DGKG: variants seen among roughly 807,000 people sequenced by gnomAD.
DGKG encodes the protein diacylglycerol kinase gamma, also known as DAG kinase gamma.
DGKG carries 78 observed loss-of-function variants against 105.3 expected under a neutral mutation model. The ratio of observed to expected loss-of-function variants is 0.74; its 90% CI spans 0.62 to 0.89. The LOEUF (loss-of-function observed/expected upper bound fraction) is 0.89, where lower values mean the gene tolerates loss of function less well. Ranked by LOEUF, DGKG falls within the 40% of genes least tolerant of loss-of-function variation. The pLI is 0.00. For synonymous variants in DGKG, 346 were observed against 367.1 expected (o/e 0.94, Z 0.66); for missense variants, 958 against 1,020.1 (o/e 0.94, Z 0.83).
At chr3:186,155,573 G>T (rs947124755) in intron 24 of DGKG, among the ~76,000 whole-genome samples, 2 of 152,140 alleles carry the variant, frequency 1.3e-5, no homozygotes, top group Admixed American at 1.3e-4. Flanking sequence ...TAATGTAGAC[G>T]TGACATTCTT....
chr3:186,360,439 T>C (rs749199106), intron 1 of DGKG, among the ~76,000 whole-genome samples: 8 of 152,192 alleles, frequency 5.3e-5, no homozygotes, highest in Non-Finnish European at 5.9e-5. Flanking sequence ...GACCGGGAAG[T>C]TGGCTTAGTT....
chr3:186,223,887 A>G (rs1253116214), intron 20 of DGKG, among the ~76,000 whole-genome samples: 2 of 152,104 alleles, frequency 1.3e-5, no homozygotes, highest in African/African-American at 4.8e-5. Flanking sequence ...CTCTGACTGC[A>G]ATCTCTAAGG....
chr3:186,191,869 TTTTTC>T (rs1371264994), intron 21 of DGKG, among the ~76,000 whole-genome samples: 2 of 152,208 alleles, frequency 1.3e-5, no homozygotes, highest in African/African-American at 4.8e-5. Context: ...AACTGACTCC[TTTTTC>T]TTTTCTTTTC....
At chr3:186,300,378 A>G (rs1466938317) in intron 3 of DGKG, among the ~76,000 whole-genome samples, 1 of 152,134 alleles carries the variant, frequency 6.6e-6, no homozygotes, top group Non-Finnish European at 1.5e-5. Context: ...ATCCTAGCCC[A>G]TTACCTCTGA....
chr3:186,227,640 T>C lies in DGKG; in HGVS notation c.1826+14864A>G, dbSNP rs554303032. ...GATAAGTACAGTGAAAGCTTGCTTTTGAAATTTCCTTTGGCCCAATAATAA... is the reference window on the plus strand; with the variant it reads ...GATAAGTACAGTGAAAGCTTGCTTTCGAAATTTCCTTTGGCCCAATAATAA... On this transcript the variant is annotated intron_variant, in intron 20 of 24. Coordinates refer to ENST00000265022, the MANE Select transcript of DGKG (RefSeq NM_001346.3). Among the ~76,000 whole-genome samples, 28 of 152,330 alleles carry C rather than the reference T, an allele frequency of 1.8e-4. No individual in the cohort carries two copies. The South Asian group carries it at 5.2e-3, about 28-fold the overall frequency.
chr3:186,307,778 G>C (rs910718001), intron 2 of DGKG, among the ~76,000 whole-genome samples: 1 of 151,904 alleles, frequency 6.6e-6, no homozygotes, highest in Admixed American at 6.6e-5. Flanking sequence ...TGTAGGATGA[G>C]TGGGCATTAA....
intron 20 of DGKG, among the ~76,000 whole-genome samples, chr3:186,217,778 G>A (rs1719368097): frequency 1.3e-5 from 2 of 152,148 alleles, no homozygotes; most frequent in African/African-American, 4.8e-5. Context: ...GAGCTTCTGG[G>A]GACCCTTTCC....
chr3:186,152,961 CTTTTTTTT>C (rs10579014), intron 24 of DGKG, among the ~76,000 whole-genome samples: 2 of 124,530 alleles, frequency 1.6e-5, no homozygotes, highest in Admixed American at 1.7e-4. Flanking sequence ...CGCGCCCGGC[CTTTTTTTT>C]TTTTTTTTTT....
At chr3:186,152,961 CTTTTT>C (rs10579014) in intron 24 of DGKG, among the ~76,000 whole-genome samples, 4 of 124,530 alleles carry the variant, frequency 3.2e-5, no homozygotes, top group African/African-American at 5.8e-5. Context: ...CGCGCCCGGC[CTTTTT>C]TTTTTTTTTT....
At chr3:186,343,487 T>A (rs1425595153) in intron 1 of DGKG, among the ~76,000 whole-genome samples, 2 of 152,052 alleles carry the variant, frequency 1.3e-5, no homozygotes, top group Non-Finnish European at 2.9e-5. Flanking sequence ...GAGACGGGAT[T>A]TCACCATGTT....
At chr3:186,297,976 AG>A (rs1329168871) in intron 4 of DGKG, 87 bp downstream of exon 4, 51 of 1,460,146 alleles carry the variant, frequency 3.5e-5, no homozygotes, top group Non-Finnish European at 4.7e-5. Context: ...TACTATGTTC[AG>A]GGGACCCTCT....
At chr3:186,279,344 T>A (rs1722726072) in intron 9 of DGKG, 1 of 152,574 alleles carries the variant, frequency 6.6e-6, no homozygotes, top group Non-Finnish European at 1.5e-5. Context: ...AGAACCTCAG[T>A]TTTCCATCTG....
chr3:186,160,963 A>G, intron 24 of DGKG: 2 of 985,424 alleles, frequency 2.0e-6, no homozygotes, highest in Non-Finnish European at 2.4e-6. Flanking sequence ...TTTGACATGT[A>G]TTATTGTGCA....
chr3:186,304,712 C>A (rs1289936415), intron 3 of DGKG, among the ~76,000 whole-genome samples: 1 of 152,218 alleles, frequency 6.6e-6, no homozygotes, highest in Non-Finnish European at 1.5e-5. Flanking sequence ...TGCAAAGATC[C>A]TCTCATTTAA....
At chr3:186,238,803 C>G (rs1349407859) in intron 20 of DGKG, among the ~76,000 whole-genome samples, 1 of 152,178 alleles carries the variant, frequency 6.6e-6, no homozygotes, top group Non-Finnish European at 1.5e-5. Context: ...ATTAATGAAA[C>G]TATTCCATCA....
chr3:186,327,350 TCTCCTCCTC>T (rs529028348), intron 1 of DGKG, among the ~76,000 whole-genome samples: 1 of 150,164 alleles, frequency 6.7e-6, no homozygotes, highest in African/African-American at 2.5e-5. Context: ...TCCTCCTCCT[TCTCCTCCTC>T]CTCCTCCTCC....
In DGKG at chr3:186,188,065, C is replaced by T. The variant is rs141171816; in HGVS notation, c.2095+137G>A. 1,756 of 1,018,634 alleles carry T rather than the reference C, an allele frequency of 1.7e-3. 3 individuals are homozygous for T. The highest frequency in any genetic ancestry group is 2.5e-3 in the Admixed American group (106 of 43,232). 63.1% of individuals were successfully genotyped at this position (1,018,634 alleles called of 1,614,324 possible). The stretch of plus-strand genomic sequence containing the variant: ...GATTAAGTTGTAAACTTTGCAACAT[C>T]GGATGACGAGTCAGCATATCCGCAG... On this transcript the variant is annotated intron_variant, in intron 22 of 24. Transcript: ENST00000265022.
At chr3:186,180,517 C>T (rs913257157) in intron 22 of DGKG, among the ~76,000 whole-genome samples, 1 of 152,056 alleles carries the variant, frequency 6.6e-6, no homozygotes, top group African/African-American at 2.4e-5. Flanking sequence ...AGACCTGGGC[C>T]AGAGAGGATC....
chr3:186,350,880 C>G (rs1052669572), intron 1 of DGKG, among the ~76,000 whole-genome samples: 4 of 152,142 alleles, frequency 2.6e-5, no homozygotes, highest in Non-Finnish European at 4.4e-5. Context: ...GTGCTTATTG[C>G]TATTCACATA....
Sources: gnomAD v4.1 joint callset for allele counts (sites outside exome capture counted in the v4.1 genomes callset) on GRCh38, gnomAD v4.1.1 for gene constraint, MANE v1.5 for transcripts, NCBI Gene and HGNC (gene_info 2026-07-23, HGNC 2026-07-21) for gene names.